The following ROR2 variants were observed in gnomAD, a reference collection of about 807,000 sequenced individuals.
ROR2 encodes the protein tyrosine-protein kinase transmembrane receptor ROR2.
ROR2 carries 33 observed loss-of-function variants against 74.9 expected under a neutral mutation model. The ratio of observed to expected loss-of-function variants is 0.44; its 90% confidence interval spans 0.33 to 0.59. The LOEUF (loss-of-function observed/expected upper bound fraction) is 0.59, where lower values mean the gene tolerates loss of function less well. Among genes scored for constraint, ROR2 ranks in the 20% least tolerant of loss-of-function variants. The pLI is 0.02. For synonymous variants in ROR2, 586 were observed against 558.7 expected (o/e 1.05, Z -0.69); for missense variants, 1,216 against 1,313.8 (o/e 0.93, Z 1.15).
rs909570962 is a variant in ROR2 at position 91,864,364 on chromosome 9, G to C, written c.97+85503C>G. Among the ~76,000 whole-genome samples, 8 of 152,306 alleles carry C rather than the reference G, an allele frequency of 5.3e-5. No individual in the cohort carries two copies. In the South Asian group the frequency reaches 1.5e-3, roughly 28 times the overall value. On this transcript the variant is annotated intron_variant, in intron 1 of 8. Transcript: ENST00000375708. Reference sequence around the variant, plus strand: ...CCACAAGTCCACAAGCCCACGCTGGGCCCCAAGTCCACCTGTCCCTCAGGA... The same window carrying C: ...CCACAAGTCCACAAGCCCACGCTGGCCCCCAAGTCCACCTGTCCCTCAGGA...
At chr9:91,918,313 G>T (rs868836217) in intron 1 of ROR2, among the ~76,000 whole-genome samples, 1 of 150,982 alleles carries the variant, frequency 6.6e-6, no homozygotes. Context: ...CAGAGGTCAA[G>T]TTCTCCCACT....
intron 4 of ROR2, among the ~76,000 whole-genome samples, chr9:91,752,880 G>C (rs1474347500): frequency 6.6e-6 from 1 of 152,180 alleles, no homozygotes. Flanking sequence ...ATGGAGGCTG[G>C]ATGGAACGAT....
chr9:91,883,645 G>T (rs1242233580), intron 1 of ROR2, among the ~76,000 whole-genome samples: 5 of 152,142 alleles, frequency 3.3e-5, no homozygotes, highest in Non-Finnish European at 5.9e-5. Context: ...ATTGGACAGT[G>T]CTGCCCAACA....
intron 1 of ROR2, among the ~76,000 whole-genome samples, chr9:91,843,952 T>C (rs2119224153): frequency 6.6e-6 from 1 of 152,374 alleles, no homozygotes; most frequent in East Asian, 1.9e-4. Context: ...CTCTGGCCTC[T>C]GAAGGCCACT....
chr9:91,805,672 T>G (rs1397975314), intron 1 of ROR2, among the ~76,000 whole-genome samples: 1 of 152,112 alleles, frequency 6.6e-6, no homozygotes. Flanking sequence ...TACACACCCA[T>G]GCACATGCTC....
At chr9:91,782,747 A>G (rs1193767492) in intron 1 of ROR2, among the ~76,000 whole-genome samples, 2 of 152,242 alleles carry the variant, frequency 1.3e-5, no homozygotes, top group African/African-American at 2.4e-5. Context: ...CCAGGAATCC[A>G]GGTCCCAGGC....
chr9:91,931,799 T>C (rs1831556018), intron 1 of ROR2, among the ~76,000 whole-genome samples: 1 of 152,176 alleles, frequency 6.6e-6, no homozygotes, highest in African/African-American at 2.4e-5. Context: ...TCATGCAACA[T>C]GAACACAACA....
At chr9:91,747,500 G>A (rs1484831235) in intron 4 of ROR2, among the ~76,000 whole-genome samples, 2 of 152,210 alleles carry the variant, frequency 1.3e-5, no homozygotes, top group Non-Finnish European at 2.9e-5. Context: ...ACAGGGCTAA[G>A]CCAAGGCGAT....
At chr9:91,888,240 A>G (rs1317968782) in intron 1 of ROR2, among the ~76,000 whole-genome samples, 2 of 152,188 alleles carry the variant, frequency 1.3e-5, no homozygotes, top group African/African-American at 2.4e-5. Flanking sequence ...AGTGTTTGGA[A>G]GGTCTCCTCC....
chr9:91,945,391 G>C (rs955272733), intron 1 of ROR2, among the ~76,000 whole-genome samples: 28 of 152,196 alleles, frequency 1.8e-4, no homozygotes, highest in African/African-American at 6.3e-4. Context: ...GAAACCATTA[G>C]GCTAGGAGTA....
rs34574788 is a variant in ROR2 at position 91,737,445 on chromosome 9, T to C, written c.568A>G (p.Thr190Ala). 265 of 1,613,992 alleles carry C rather than the reference T, an allele frequency of 1.6e-4. 1 individual carries two copies. Among genetic ancestry groups the C allele is most frequent in the Admixed American group, 3.8e-4 (23 of 59,990 alleles). The change falls in exon 5 of 9, where the codon ACC becomes GCC. Residue 190 changes from threonine to alanine, a missense_variant. By Grantham distance (58) the Thr-to-Ala change is moderately conservative. Coordinates refer to ENST00000375708, the MANE Select transcript of ROR2 (RefSeq NM_004560.4). ...ATCTGAAGCGAGTCCACATAAATGG[T>C]CCGGTTGCCAATGAAGCGTGCACAG... ...IACARFIGNR[T>A]IYVDSLQMQG...
At chr9:91,933,056 T>C (rs988478538) in intron 1 of ROR2, among the ~76,000 whole-genome samples, 2 of 152,180 alleles carry the variant, frequency 1.3e-5, no homozygotes, top group African/African-American at 4.8e-5. Context: ...CGTTAGCCTG[T>C]AATCTCAGCA....
intron 1 of ROR2, among the ~76,000 whole-genome samples, chr9:91,931,332 G>A (rs1374741756): frequency 1.3e-5 from 2 of 152,104 alleles, no homozygotes; most frequent in Non-Finnish European, 2.9e-5. Context: ...AAGTAAAAGG[G>A]ACACTTTAAA....
chr9:91,868,601 A>C (rs1390426801), intron 1 of ROR2, among the ~76,000 whole-genome samples: 2 of 152,248 alleles, frequency 1.3e-5, no homozygotes, highest in Non-Finnish European at 1.5e-5. Context: ...TATAGAGGTA[A>C]AACTATTTTA....
At chr9:91,938,903 A>G (rs1489403602) in intron 1 of ROR2, among the ~76,000 whole-genome samples, 2 of 152,244 alleles carry the variant, frequency 1.3e-5, no homozygotes, top group African/African-American at 4.8e-5. Context: ...TGGTGTTGCC[A>G]AGGAAGAGCA....
At chr9:91,788,726 G>A (rs754437465) in intron 1 of ROR2, among the ~76,000 whole-genome samples, 20 of 151,906 alleles carry the variant, frequency 1.3e-4, no homozygotes, top group South Asian at 6.2e-4. Context: ...TTAGTCAAGC[G>A]TGGTGGCGGG....
Position 91,905,018 on chromosome 9 carries a change from C to T in ROR2, c.97+44849G>A, listed in dbSNP as rs1830777853. Among the ~76,000 whole-genome samples the T allele has an allele frequency of 6.6e-6, 1 of 150,804 alleles. No individual in the cohort carries two copies. The highest frequency in any genetic ancestry group is 6.6e-5 in the Admixed American group (1 of 15,086). ...ACAACACATACCACACAACATATAC[C>T]ACACACAAAAACGTAACATATACGC... On this transcript the variant is annotated intron_variant, in intron 1 of 8. Coordinates refer to ENST00000375708, the MANE Select transcript of ROR2 (RefSeq NM_004560.4). The surrounding 1 kb of genome is among the most constrained non-coding windows in gnomAD (Gnocchi z 5.3).
chr9:91,777,410 C>CCATCAT (rs71362360), intron 1 of ROR2, among the ~76,000 whole-genome samples: 2 of 150,830 alleles, frequency 1.3e-5, no homozygotes, highest in East Asian at 1.9e-4. Context: ...CACACACACC[C>CCATCAT]CATCATCATC....
chr9:91,880,066 A>T (rs373458021), intron 1 of ROR2, among the ~76,000 whole-genome samples: 4 of 152,196 alleles, frequency 2.6e-5, no homozygotes, highest in African/African-American at 4.8e-5. Context: ...CATAGCTCAG[A>T]ATGTGACTGC....
Sources: gnomAD v4.1 joint callset for allele counts (sites outside exome capture counted in the v4.1 genomes callset) on GRCh38, gnomAD v4.1.1 for gene constraint, Gnocchi (gnomAD v3.1) non-coding constraint, MANE v1.5 for transcripts, NCBI Gene and HGNC (gene_info 2026-07-23, HGNC 2026-07-21) for gene names.